C9orf153: variants seen among roughly 807,000 people sequenced by gnomAD.
C9orf153 encodes the protein chromosome 9 open reading frame 153.
A neutral mutation model predicts 9.0 loss-of-function variants in C9orf153; 10 were observed. The ratio of observed to expected loss-of-function variants is 1.11; its 90% CI spans 0.69 to 1.89. The LOEUF is 1.89. Ranked by LOEUF, C9orf153 falls within the 40% of genes most tolerant of loss-of-function variation. C9orf153 has a pLI of 0.00. For missense variants in C9orf153, 108 were observed against 111.0 expected (o/e 0.97, Z 0.12); for synonymous variants, 35 against 37.3 (o/e 0.94, Z 0.23).
intron 1 of C9orf153, among the ~76,000 whole-genome samples, chr9:86,240,995 C>T (rs867886947): frequency 1.3e-4 from 20 of 152,144 alleles, no homozygotes; most frequent in Non-Finnish European, 2.4e-4. Context: ...GCGTGAGCCA[C>T]TGTGCCGGCC....
chr9:86,240,377 CTTTTT>C (rs34559572), intron 1 of C9orf153, among the ~76,000 whole-genome samples: 1 of 135,896 alleles, frequency 7.4e-6, no homozygotes. Context: ...TCTTCTTTTC[CTTTTT>C]TTTTTTTTTT....
intron 1 of C9orf153, among the ~76,000 whole-genome samples, chr9:86,231,962 A>C (rs1824481713): frequency 6.6e-6 from 1 of 151,862 alleles, no homozygotes; most frequent in Non-Finnish European, 1.5e-5. Flanking sequence ...GGGTTAATAA[A>C]TTTTCTCCTC....
At position 86,239,105 on chromosome 9, in the gene C9orf153, C is replaced by T. The variant is rs540230297; in HGVS notation, c.-26-9476G>A. On this transcript the variant is annotated intron_variant, in intron 1 of 3. Transcript: ENST00000339137. ...TGAAACCCCATCTCTACTAAAAATA[C>T]AAAAAATTAGCCAGGCGTGGCGGCG... 3.1e-3 allele frequency among the ~76,000 whole-genome samples: 478 copies of T among 151,842 alleles called. 3 individuals carry two copies. The highest frequency in any genetic ancestry group is 0.011 in the African/African-American group (462 of 41,438).
intron 1 of C9orf153, among the ~76,000 whole-genome samples, chr9:86,244,351 G>A (rs920140504): frequency 2.0e-5 from 3 of 152,128 alleles, no homozygotes; most frequent in African/African-American, 7.2e-5. Flanking sequence ...TGGGATTACA[G>A]ATGTGAGCCA....
intron 3 of C9orf153, among the ~76,000 whole-genome samples, chr9:86,221,949 G>A (rs1050044769): frequency 6.6e-6 from 1 of 152,046 alleles, no homozygotes; most frequent in South Asian, 2.1e-4. Context: ...GCAATGGTGC[G>A]ATATCGGCTC....
At position 86,221,736 on chromosome 9, in the gene C9orf153, GA is replaced by G. The variant is rs1449807334; in HGVS notation, c.243-4del. 11 of 1,528,302 alleles carry G rather than the reference GA, an allele frequency of 7.2e-6. No individual in the cohort carries two copies. In the Admixed American group the frequency reaches 1.8e-4, roughly 25 times the overall value. 94.7% of individuals were successfully genotyped at this position (1,528,302 alleles called of 1,614,324 possible). ...CCTTAGATTCATGAATTGTTTTCCT[GA>G]AAAGAATCATATTTTCAAAGAATCA... On this transcript the variant is annotated splice_region_variant and splice_polypyrimidine_tract_variant and intron_variant, in intron 3 of 3. Transcript: ENST00000339137.
chr9:86,227,979 A>T lies in C9orf153; in HGVS notation c.118T>A (p.Ser40Thr). The T allele has an allele frequency of 6.2e-7, 1 of 1,613,258 alleles. No homozygotes were observed. The highest frequency in any genetic ancestry group is 1.1e-5 in the South Asian group (1 of 90,934). ...IENFNKESKK[S>T]NLLKMHGISL... ...ATACCATGCATTTTTAGAAGATTTG[A>T]TTTCTTGCTCTCCTTATTAAAATTC... The change falls in exon 3 of 4, where the codon TCA (serine) becomes ACA (threonine). Residue 40 changes from serine (S) to threonine (T), a missense_variant. Transcript: ENST00000339137.
In C9orf153 at chr9:86,257,432, T is replaced by G. The variant is rs766271610; in HGVS notation, c.-27+2118A>C. ...CTCCTGGCTTTCACTTGTAATCAGT[T>G]GGAGGCTCCATCAAGCCAAACAAGA... is the stretch of plus-strand genomic sequence containing the variant. On this transcript the variant is annotated intron_variant, in intron 1 of 3. Coordinates refer to ENST00000339137, the MANE Select transcript of C9orf153 (RefSeq NM_001276366.4). Among the ~76,000 whole-genome samples, 51 of 152,158 alleles carry G rather than the reference T, an allele frequency of 3.4e-4. 1 individual carries two copies. Among genetic ancestry groups the G allele is most frequent in the Admixed American group, 1.4e-3 (22 of 15,270 alleles).
At chr9:86,240,383 T>C (rs1470241006) in intron 1 of C9orf153, among the ~76,000 whole-genome samples, 4 of 151,320 alleles carry the variant, frequency 2.6e-5, no homozygotes, top group Non-Finnish European at 5.9e-5. Flanking sequence ...TTTCCTTTTT[T>C]TTTTTTTTTT....
intron 1 of C9orf153, among the ~76,000 whole-genome samples, chr9:86,231,835 T>C (rs1352338912): frequency 2.0e-5 from 3 of 152,158 alleles, no homozygotes; most frequent in African/African-American, 4.8e-5. Flanking sequence ...AAGGAAAATA[T>C]TTCTCTAATG....
At chr9:86,254,272 G>A (rs1476281498) in intron 1 of C9orf153, among the ~76,000 whole-genome samples, 1 of 152,100 alleles carries the variant, frequency 6.6e-6, no homozygotes, top group Non-Finnish European at 1.5e-5. Context: ...TTTGCCTCCG[G>A]TTTGGACTGA....
chr9:86,225,964 G>A (rs1035217916), intron 3 of C9orf153, among the ~76,000 whole-genome samples: 4 of 152,174 alleles, frequency 2.6e-5, no homozygotes, highest in Non-Finnish European at 5.9e-5. Context: ...AACTTGGCCC[G>A]TATACATGTG....
chr9:86,247,648 C>T (rs1170072869), intron 1 of C9orf153, among the ~76,000 whole-genome samples: 4 of 152,124 alleles, frequency 2.6e-5, no homozygotes, highest in Non-Finnish European at 5.9e-5. Context: ...CCTCTCCACA[C>T]CAGCCTGGAC....
intron 1 of C9orf153, among the ~76,000 whole-genome samples, chr9:86,242,204 AAG>A (rs1332521298): frequency 1.3e-5 from 2 of 152,176 alleles, no homozygotes; most frequent in Admixed American, 6.5e-5. Flanking sequence ...AGCCGGGGCA[AAG>A]GCCATGTGCT....
In C9orf153 at chr9:86,242,524, A is replaced by G. The variant is rs551632199; in HGVS notation, c.-26-12895T>C. ...TTATCAATTAGAAACTTATTAATTA[A>G]AAATGCTGAATATGTACTAACAGTA... On this transcript the variant is annotated intron_variant, in intron 1 of 3. Transcript: ENST00000339137. Among the ~76,000 whole-genome samples, 231 of 152,326 alleles carry G rather than the reference A, an allele frequency of 1.5e-3. 3 individuals carry two copies. The Middle Eastern group carries it at 0.017, about 11-fold the overall frequency.
Position 86,221,574 on chromosome 9 carries a change from A to G in C9orf153, c.*114T>C, listed in dbSNP as rs904113479. Reference sequence around the variant, plus strand: ...ATAAATGACCAAAGACTTGCGAACTATAGGGGGGAAAATAACGTCAGGCAT... The same window carrying G: ...ATAAATGACCAAAGACTTGCGAACTGTAGGGGGGAAAATAACGTCAGGCAT... On this transcript the variant is annotated 3_prime_UTR_variant, in exon 4 of 4. Transcript: ENST00000339137. 3 of 1,414,400 alleles carry G rather than the reference A, an allele frequency of 2.1e-6. No homozygotes were observed. The highest frequency in any genetic ancestry group is 3.1e-5 in the Admixed American group (1 of 32,230). The allele number at this position is 1,414,400 out of a possible 1,614,324, so 87.6% of individuals were successfully genotyped here.
At chr9:86,236,202 A>G (rs1824583260) in intron 1 of C9orf153, among the ~76,000 whole-genome samples, 1 of 152,148 alleles carries the variant, frequency 6.6e-6, no homozygotes, top group Admixed American at 6.5e-5. Flanking sequence ...GTGTTGAGAG[A>G]AAAAAACCCA....
At chr9:86,249,670 T>G (rs1824952116) in intron 1 of C9orf153, among the ~76,000 whole-genome samples, 1 of 151,836 alleles carries the variant, frequency 6.6e-6, no homozygotes, top group Non-Finnish European at 1.5e-5. Context: ...TGCCTCAGCC[T>G]CCTGAGTAGC....
intron 1 of C9orf153, among the ~76,000 whole-genome samples, chr9:86,243,496 A>C: frequency 7.8e-6 from 1 of 128,422 alleles, no homozygotes. Context: ...ATGGAGTTTC[A>C]CTCTTGATGC....
Sources: gnomAD v4.1 joint callset for allele counts (sites outside exome capture counted in the v4.1 genomes callset) on GRCh38, gnomAD v4.1.1 for gene constraint, MANE v1.5 for transcripts, NCBI Gene and HGNC (gene_info 2026-07-23, HGNC 2026-07-21) for gene names.